Variants in EFR3A observed in about 807,000 individuals in gnomAD.
EFR3A encodes protein EFR3 homolog A.
EFR3A carries 76 observed loss-of-function variants against 104.4 expected under a neutral mutation model. The ratio of observed to expected loss-of-function variants is 0.73; its 90% CI spans 0.60 to 0.88. The LOEUF is 0.88. Among genes scored for constraint, EFR3A ranks in the 40% least tolerant of loss-of-function variants. EFR3A has a pLI of 0.00. For synonymous variants in EFR3A, 330 were observed against 330.0 expected (o/e 1.00, Z 0.00); for missense variants, 985 against 1,012.5 (o/e 0.97, Z 0.37).
intron 22 of EFR3A, among the ~76,000 whole-genome samples, chr8:132,004,780 A>G (rs981813636): frequency 2.0e-5 from 3 of 152,218 alleles, no homozygotes; most frequent in Non-Finnish European, 4.4e-5. Flanking sequence ...AGGTGAAGAC[A>G]CCAAGGCTTA....
intron 14 of EFR3A, among the ~76,000 whole-genome samples, chr8:131,981,449 TTCTC>T (rs1820608418): frequency 6.6e-6 from 1 of 152,090 alleles, no homozygotes; most frequent in African/African-American, 2.4e-5. Flanking sequence ...TTTTGGGTCT[TTCTC>T]TTTAGAAGCA....
At chr8:131,948,554 G>A (rs1361344712) in intron 4 of EFR3A, among the ~76,000 whole-genome samples, 2 of 152,126 alleles carry the variant, frequency 1.3e-5, no homozygotes, top group African/African-American at 2.4e-5. Flanking sequence ...AGGCAAGGTA[G>A]CTACTTAGGC....
At position 131,977,099 on chromosome 8, in the gene EFR3A, C is replaced by A; in HGVS notation, c.1326+7C>A. 6.3e-7 allele frequency: 1 copy of A among 1,589,888 alleles called. No homozygotes were observed. Among genetic ancestry groups the A allele is most frequent in the South Asian group, 1.2e-5 (1 of 86,384 alleles). Reference sequence around the variant, plus strand: ...GCTGAGATCTTTGCTTATGGTAAGGCATTTAAGACAAATAAAGGACACACT... The same window carrying A: ...GCTGAGATCTTTGCTTATGGTAAGGAATTTAAGACAAATAAAGGACACACT... On this transcript the variant is annotated splice_region_variant and intron_variant, in intron 12 of 22. Transcript: ENST00000254624.
intron 16 of EFR3A, 125 bp from the exon 17 acceptor site, chr8:131,986,069 C>A: frequency 4.3e-6 from 2 of 461,348 alleles, no homozygotes; most frequent in East Asian, 3.4e-5. Context: ...AATTCAAAAA[C>A]AAAGTGATGT....
At chr8:131,907,634 G>A (rs2130363984) in intron 1 of EFR3A, among the ~76,000 whole-genome samples, 1 of 152,272 alleles carries the variant, frequency 6.6e-6, no homozygotes, top group African/African-American at 2.4e-5. Context: ...TGAAAGAAAT[G>A]CAGAATGAAT....
At chr8:131,924,468 A>C (rs1405272237) in intron 1 of EFR3A, among the ~76,000 whole-genome samples, 1 of 152,044 alleles carries the variant, frequency 6.6e-6, no homozygotes, top group Non-Finnish European at 1.5e-5. Flanking sequence ...AGGTTGTCTA[A>C]AGTTTTGAGG....
intron 8 of EFR3A, among the ~76,000 whole-genome samples, chr8:131,962,108 C>T (rs1163881257): frequency 6.6e-6 from 1 of 152,124 alleles, no homozygotes; most frequent in East Asian, 1.9e-4. Context: ...CAAAAACATG[C>T]CAAATTGTAA....
intron 22 of EFR3A, among the ~76,000 whole-genome samples, chr8:132,007,201 C>A (rs577562756): frequency 6.6e-6 from 1 of 151,660 alleles, no homozygotes; most frequent in African/African-American, 2.4e-5. Flanking sequence ...ACTATCTTTT[C>A]ACAGATGACA....
intron 3 of EFR3A, among the ~76,000 whole-genome samples, chr8:131,945,938 C>G (rs991352681): frequency 2.0e-5 from 3 of 152,040 alleles, no homozygotes; most frequent in African/African-American, 7.2e-5. Context: ...TCCCTCCACA[C>G]CCTGCCCTCG....
At chr8:132,002,160 T>G (rs944958826) in intron 20 of EFR3A, among the ~76,000 whole-genome samples, 3 of 152,212 alleles carry the variant, frequency 2.0e-5, no homozygotes, top group Non-Finnish European at 4.4e-5. Flanking sequence ...ACAACATGGT[T>G]CCAAATGACC....
At chr8:131,982,173 A>T (rs1820650176) in intron 14 of EFR3A, among the ~76,000 whole-genome samples, 1 of 151,784 alleles carries the variant, frequency 6.6e-6, no homozygotes, top group South Asian at 2.1e-4. Flanking sequence ...ACTCTTTCAA[A>T]TTTTTTTTAC....
rs746293441 is a variant in EFR3A at position 131,946,630 on chromosome 8, T to C, written c.363T>C (p.Asn121=). ...GEPKLQVLGT[N]SFVKFANIEE... ...CAAAGCTTCAAGTTCTTGGAACAAA[T>C]TCTGTGAGTAAAACTATTCTGTTAC... Residue 121 remains asparagine, a synonymous_variant, in exon 4 of 23, where the codon AAT becomes AAC. Coordinates refer to ENST00000254624, the MANE Select transcript of EFR3A (RefSeq NM_015137.6). 6.3e-7 allele frequency: 1 copy of C among 1,594,108 alleles called. No individual in the cohort carries two copies. Among genetic ancestry groups the C allele is most frequent in the Non-Finnish European group, 8.5e-7 (1 of 1,171,046 alleles).
At chr8:131,988,197 TC>T (rs1331393583) in intron 18 of EFR3A, among the ~76,000 whole-genome samples, 1 of 151,934 alleles carries the variant, frequency 6.6e-6, no homozygotes, top group Non-Finnish European at 1.5e-5. Context: ...CTATATATTT[TC>T]CCATTGCTTG....
rs548281914 is a variant in EFR3A, at chr8:131,934,921, G to T, written c.11-5578G>T. ...TTTGATTGTATGAAGTAAATGTCTTGTTCTGACATCAACTGAATGAGTAAC... is the reference window on the plus strand; with the variant it reads ...TTTGATTGTATGAAGTAAATGTCTTTTTCTGACATCAACTGAATGAGTAAC... On this transcript the variant is annotated intron_variant, in intron 1 of 22. Transcript: ENST00000254624. Among the ~76,000 whole-genome samples the T allele has an allele frequency of 2.0e-5, 3 of 152,108 alleles. No homozygotes were observed. The East Asian group carries it at 5.8e-4, about 29-fold the overall frequency.
intron 1 of EFR3A, among the ~76,000 whole-genome samples, chr8:131,920,269 G>A (rs1816937855): frequency 6.6e-6 from 1 of 152,126 alleles, no homozygotes; most frequent in African/African-American, 2.4e-5. Context: ...TTTGCTGTGA[G>A]TTTGTAAAGT....
At chr8:131,996,557 T>G in intron 19 of EFR3A, 60 bp downstream of exon 19, 1 of 1,162,890 alleles carries the variant, frequency 8.6e-7, no homozygotes, top group Non-Finnish European at 1.2e-6. Flanking sequence ...TAAAAGAATT[T>G]TTTGCCTTCC....
chr8:131,906,629 C>T (rs1175889396), intron 1 of EFR3A, among the ~76,000 whole-genome samples: 1 of 152,282 alleles, frequency 6.6e-6, no homozygotes, highest in East Asian at 1.9e-4. Context: ...AATGATATAT[C>T]TCATGAATAT....
In EFR3A at chr8:131,913,932, A is replaced by T. The variant is rs548176765; in HGVS notation, c.10+9610A>T. 2.0e-5 allele frequency among the ~76,000 whole-genome samples: 3 copies of T among 152,336 alleles called. No homozygotes were observed. In the South Asian group the frequency reaches 6.2e-4, roughly 32 times the overall value. The stretch of plus-strand genomic sequence containing the variant: ...TGACTTGGATTGTTTTATTTTATTA[A>T]CTTAGTTAAAAATAATTTACTAACT... On this transcript the variant is annotated intron_variant, in intron 1 of 22. Coordinates refer to ENST00000254624, the MANE Select transcript of EFR3A (RefSeq NM_015137.6).
chr8:131,990,794 T>C (rs967339667), intron 18 of EFR3A, among the ~76,000 whole-genome samples: 2 of 152,122 alleles, frequency 1.3e-5, no homozygotes, highest in Admixed American at 6.6e-5. Flanking sequence ...GAAAAATTTA[T>C]GAGAGAGAAT....
Sources: allele counts gnomAD v4.1 joint callset (sites outside exome capture counted in the v4.1 genomes callset), GRCh38; gene constraint gnomAD v4.1.1; transcripts MANE v1.5; gene names NCBI Gene and HGNC (gene_info 2026-07-23, HGNC 2026-07-21).